Variants in CC2D1A observed in about 807,000 individuals in gnomAD.
The protein encoded by CC2D1A is coiled-coil and C2 domain-containing protein 1A.
CC2D1A carries 68 observed loss-of-function variants against 123.8 expected under a neutral mutation model. The observed-to-expected ratio is 0.55, with a 90% CI of 0.45 to 0.67. The LOEUF (loss-of-function observed/expected upper bound fraction) is 0.67, where lower values mean the gene tolerates loss of function less well. Among genes scored for constraint, CC2D1A ranks in the 30% least tolerant of loss-of-function variants. CC2D1A has a pLI of 0.00. For missense variants in CC2D1A, 1,185 were observed against 1,290.3 expected (o/e 0.92, Z 1.25); for synonymous variants, 477 against 528.0 (o/e 0.90, Z 1.32).
chr19:13,920,579 C>G lies in CC2D1A; in HGVS notation c.1379C>G (p.Thr460Arg). 1 of 1,605,928 alleles carries G rather than the reference C, an allele frequency of 6.2e-7. No individual in the cohort carries two copies. The highest frequency in any genetic ancestry group is 8.5e-7 in the Non-Finnish European group (1 of 1,174,628). The change falls in exon 13 of 29, where the codon ACA becomes AGA. Residue 460 changes from threonine to arginine, a missense_variant. Transcript: ENST00000318003. The stretch of plus-strand genomic sequence containing the variant: ...CAGCAGAACAGCCCTGTGGCCCCCA[C>G]AGCCCAGCCCAAAGCCCCACCCTCA... ...PKKQNSPVAP[T>R]AQPKAPPSRT...
At chr19:13,928,079 G>T in intron 23 of CC2D1A, 45 bp from the exon 24 acceptor site, 1 of 1,606,168 alleles carries the variant, frequency 6.2e-7, no homozygotes, top group Non-Finnish European at 8.5e-7. Flanking sequence ...AGGGAAGCTT[G>T]GTTCAGGGGC....
chr19:13,919,259 C>G, intron 11 of CC2D1A, 57 bp downstream of exon 11: 1 of 1,351,766 alleles, frequency 7.4e-7, no homozygotes. Flanking sequence ...TAGGCCCCGC[C>G]CCCAGAGGCC....
intron 1 of CC2D1A, among the ~76,000 whole-genome samples, chr19:13,907,301 C>G (rs750698439): frequency 1.3e-4 from 19 of 151,754 alleles, no homozygotes; most frequent in Non-Finnish European, 2.5e-4. Context: ...AGTACTACTA[C>G]TTGGGAGGCT....
intron 4 of CC2D1A, 134 bp from the exon 5 acceptor site, chr19:13,913,034 C>T: frequency 1.1e-6 from 1 of 902,598 alleles, no homozygotes; most frequent in East Asian, 2.7e-5. Context: ...GAAATGGGGA[C>T]CATGATTTCT....
At chr19:13,925,288 T>C (rs1393640887) in intron 17 of CC2D1A, among the ~76,000 whole-genome samples, 2 of 152,100 alleles carry the variant, frequency 1.3e-5, no homozygotes, top group Non-Finnish European at 2.9e-5. Flanking sequence ...TCAAGAAATA[T>C]TGTGAAATGA....
intron 6 of CC2D1A, among the ~76,000 whole-genome samples, 199 bp from the exon 7 acceptor site, chr19:13,917,871 T>C (rs1971261562): frequency 6.6e-6 from 1 of 151,770 alleles, no homozygotes; most frequent in Non-Finnish European, 1.5e-5. Context: ...CTCAGGAGGC[T>C]GAGGCAGGAG....
At position 13,920,818 on chromosome 19, in the gene CC2D1A, C is replaced by A; in HGVS notation, c.1537C>A (p.Gln513Lys). 6.2e-7 allele frequency: 1 copy of A among 1,614,134 alleles called. No individual in the cohort carries two copies. Among genetic ancestry groups the A allele is most frequent in the Non-Finnish European group, 8.5e-7 (1 of 1,180,024 alleles). Residue 513 changes from glutamine (Q) to lysine (K), a missense_variant, in exon 14 of 29, where the codon CAG becomes AAG. Transcript: ENST00000318003. ...CCTGCAGGCCGCACTGCGAGCCAAG[C>A]AGAAAAACGACGTGGAGGGTGCCAA... ...QLLQAALRAK[Q>K]KNDVEGAKMH... is the part of the protein sequence containing the mutation.
At chr19:13,908,220 G>A (rs1486047227) in intron 1 of CC2D1A, among the ~76,000 whole-genome samples, 1 of 152,096 alleles carries the variant, frequency 6.6e-6, no homozygotes, top group Non-Finnish European at 1.5e-5. Flanking sequence ...TGGTCAGGCT[G>A]GTCTGTCTCG....
intron 11 of CC2D1A, 63 bp from the exon 12 acceptor site, chr19:13,919,755 C>T (rs985221990): frequency 3.3e-5 from 50 of 1,499,106 alleles, no homozygotes; most frequent in Admixed American, 4.2e-5. Flanking sequence ...GCATCTCCAC[C>T]ATAATGGTGT....
chr19:13,925,954 A>G (rs1971588454), intron 17 of CC2D1A, among the ~76,000 whole-genome samples: 1 of 130,992 alleles, frequency 7.6e-6, no homozygotes. Flanking sequence ...ATATATATAT[A>G]TATATACACG....
At chr19:13,926,906 C>G (rs1568420015) in intron 20 of CC2D1A, 34 bp downstream of exon 20, 1 of 1,612,974 alleles carries the variant, frequency 6.2e-7, no homozygotes, top group Non-Finnish European at 8.5e-7. Flanking sequence ...TACCCCTACT[C>G]CCTTGCAGCA....
At chr19:13,909,085 C>G (rs1176834415) in intron 1 of CC2D1A, among the ~76,000 whole-genome samples, 1 of 152,114 alleles carries the variant, frequency 6.6e-6, no homozygotes, top group Admixed American at 6.6e-5. Context: ...CAGCACAACT[C>G]CCAGCTAATT....
chr19:13,908,074 C>T (rs1599374887), intron 1 of CC2D1A, among the ~76,000 whole-genome samples: 1 of 152,114 alleles, frequency 6.6e-6, no homozygotes, highest in East Asian at 1.9e-4. Context: ...GGCGCAATCT[C>T]GGCCCACTGC....
intron 17 of CC2D1A, among the ~76,000 whole-genome samples, chr19:13,926,056 ATG>A (rs1250397799): frequency 2.4e-5 from 3 of 126,944 alleles, no homozygotes; most frequent in Non-Finnish European, 4.7e-5. Flanking sequence ...ACGTATATAT[ATG>A]TATATATACA....
At position 13,918,199 on chromosome 19, in the gene CC2D1A, G is replaced by T; in HGVS notation, c.873+5G>T. 6.4e-7 allele frequency: 1 copy of T among 1,569,866 alleles called. No homozygotes were observed. The highest frequency in any genetic ancestry group is 1.9e-5 in the Admixed American group (1 of 51,732). ...AGACACTTCCGCGTGGCTAAGGTGC[G>T]TCCAGCCTGACGGACAGGACTGGAG... On this transcript the variant is annotated splice_donor_5th_base_variant and intron_variant, in intron 7 of 28. Coordinates refer to ENST00000318003, the MANE Select transcript of CC2D1A (RefSeq NM_017721.5).
rs375627481 is a variant in CC2D1A at position 13,930,397 on chromosome 19, G to T, written c.*2G>T. 9 of 1,609,564 alleles carry T rather than the reference G, an allele frequency of 5.6e-6. No homozygotes were observed. Among genetic ancestry groups the T allele is most frequent in the African/African-American group, 2.7e-5 (2 of 74,786 alleles). ...CAGCTGCAGCGGCTCCGCAGGTGAG[G>T]AGCCCATGGGGCGGGCAGCCCCCAG... On this transcript the variant is annotated 3_prime_UTR_variant, in exon 29 of 29. Coordinates refer to ENST00000318003, the MANE Select transcript of CC2D1A (RefSeq NM_017721.5). The surrounding 1 kb of genome is among the most constrained non-coding windows in gnomAD (Gnocchi z 6.8).
At chr19:13,925,987 T>TATATATACAC in intron 17 of CC2D1A, among the ~76,000 whole-genome samples, 1 of 120,876 alleles carries the variant, frequency 8.3e-6, no homozygotes, top group African/African-American at 4.0e-5. Context: ...TATATATATA[T>TATATATACAC]ACATATATGT....
Position 13,906,589 on chromosome 19 carries a change from C to G in CC2D1A, c.60+88C>G. On this transcript the variant is annotated intron_variant, in intron 1 of 28. Coordinates refer to ENST00000318003, the MANE Select transcript of CC2D1A (RefSeq NM_017721.5). The surrounding 1 kb of genome is among the most constrained non-coding windows in gnomAD (Gnocchi z 4.1). ...AAGGGCCCCACCCCCCAGGGAAGCC[C>G]GATCTCCGCCCCACAGGTAAGCCCC... is the stretch of plus-strand genomic sequence containing the variant. 6 of 792,516 alleles carry G rather than the reference C, an allele frequency of 7.6e-6. No homozygotes were observed. Among genetic ancestry groups the G allele is most frequent in the Non-Finnish European group, 1.1e-5 (6 of 540,296 alleles). The allele number at this position is 792,516 out of a possible 1,614,324, so 49.1% of individuals were successfully genotyped here.
chr19:13,929,195 CG>C (rs1971765260), intron 24 of CC2D1A, among the ~76,000 whole-genome samples, 183 bp from the exon 25 acceptor site: 1 of 149,696 alleles, frequency 6.7e-6, no homozygotes, highest in Non-Finnish European at 1.5e-5. Context: ...TTAGTAGAGA[CG>C]GGGTTTCACC....
Sources: allele counts gnomAD v4.1 joint callset (sites outside exome capture counted in the v4.1 genomes callset), GRCh38; gene constraint gnomAD v4.1.1; non-coding constraint Gnocchi (gnomAD v3.1); transcripts MANE v1.5; gene names NCBI Gene and HGNC (gene_info 2026-07-23, HGNC 2026-07-21).